Variants in SMARCC1 observed in about 807,000 individuals in gnomAD.
SMARCC1 encodes SWI/SNF complex subunit SMARCC1.
In SMARCC1, 43 loss-of-function variants were observed where a neutral mutation model predicts 147.4. The ratio of observed to expected loss-of-function variants is 0.29; its 90% CI spans 0.23 to 0.38. The LOEUF is 0.38. Among genes scored for constraint, SMARCC1 ranks in the 10% least tolerant of loss-of-function variants. SMARCC1 has a pLI of 1.00. For synonymous variants in SMARCC1, 495 were observed against 484.4 expected (o/e 1.02, Z -0.29); for missense variants, 1,119 against 1,381.1 (o/e 0.81, Z 3.01).
At chr3:47,700,308 GATAT>G (rs957236057) in intron 11 of SMARCC1, among the ~76,000 whole-genome samples, 1 of 152,016 alleles carries the variant, frequency 6.6e-6, no homozygotes, top group African/African-American at 2.4e-5. Context: ...TTCACCAACT[GATAT>G]ATATAGTCTC....
intron 16 of SMARCC1, 112 bp from the exon 17 acceptor site, chr3:47,676,894 G>T: frequency 1.1e-6 from 1 of 873,050 alleles, no homozygotes; most frequent in Non-Finnish European, 1.8e-6. Flanking sequence ...AATGTGCTCA[G>T]CAGGCTGTCA....
intron 21 of SMARCC1, among the ~76,000 whole-genome samples, chr3:47,646,986 T>C (rs937787209): frequency 1.3e-5 from 2 of 152,216 alleles, no homozygotes; most frequent in South Asian, 4.1e-4. Context: ...CTGTGTTTCT[T>C]CTGCATGAGC....
intron 21 of SMARCC1, among the ~76,000 whole-genome samples, chr3:47,650,207 C>A (rs374062590): frequency 9.3e-5 from 14 of 151,184 alleles, no homozygotes; most frequent in Non-Finnish European, 8.8e-5. Flanking sequence ...ACCCCAGAGG[C>A]GGAGCTTGCA....
intron 7 of SMARCC1, among the ~76,000 whole-genome samples, chr3:47,715,424 T>C (rs1267514275): frequency 6.6e-6 from 1 of 152,208 alleles, no homozygotes; most frequent in Non-Finnish European, 1.5e-5. Flanking sequence ...GAAACAGCCT[T>C]GATTCCATTC....
intron 21 of SMARCC1, among the ~76,000 whole-genome samples, chr3:47,646,201 C>G (rs977589546): frequency 2.0e-5 from 3 of 152,172 alleles, no homozygotes; most frequent in Non-Finnish European, 4.4e-5. Flanking sequence ...TCTCAAGATG[C>G]TATGTGGAAC....
chr3:47,671,196 A>AAAAAAAGAAAAAC (rs753672169), intron 18 of SMARCC1, among the ~76,000 whole-genome samples: 1 of 81,144 alleles, frequency 1.2e-5, no homozygotes, highest in East Asian at 4.8e-4. Flanking sequence ...AAAAAAAAAA[A>AAAAAAAGAAAAAC]AACACACACA....
intron 21 of SMARCC1, among the ~76,000 whole-genome samples, chr3:47,654,898 AC>A (rs897045511): frequency 6.6e-6 from 1 of 152,196 alleles, no homozygotes; most frequent in African/African-American, 2.4e-5. Flanking sequence ...ACACCATAAC[AC>A]TGGGGATCAA....
At chr3:47,603,842 T>C (rs559675162) in intron 26 of SMARCC1, 4 of 352,264 alleles carry the variant, frequency 1.1e-5, no homozygotes, top group African/African-American at 8.5e-5. Context: ...CTACTACAGA[T>C]ACTTCCCGTG....
At chr3:47,588,748 T>C (rs1026069460) in intron 27 of SMARCC1, among the ~76,000 whole-genome samples, 2 of 105,786 alleles carry the variant, frequency 1.9e-5, no homozygotes, top group African/African-American at 7.5e-5. Context: ...GGGCACAAAA[T>C]AGATTATCAA....
chr3:47,671,173 CAAAAAAAAA>C (rs775759680), intron 18 of SMARCC1, among the ~76,000 whole-genome samples: 416 of 29,252 alleles, frequency 0.014, 19 homozygotes, highest in African/African-American at 0.047. Flanking sequence ...GAGACTATCT[CAAAAAAAAA>C]AAAAAAAAAA....
chr3:47,696,168 C>T (rs1351337471), intron 11 of SMARCC1, among the ~76,000 whole-genome samples: 7 of 150,516 alleles, frequency 4.7e-5, no homozygotes, highest in South Asian at 2.1e-4. Context: ...ATCAGAAGTT[C>T]GGGACCAGCC....
rs1559619369 is a variant in SMARCC1 at position 47,587,089 on chromosome 3, C to T, written c.*1120G>A. 1 of 152,592 alleles carries T rather than the reference C, an allele frequency of 6.6e-6. No homozygotes were observed. The allele number at this position is 152,592 out of a possible 1,614,324, so 9.5% of individuals were successfully genotyped here. A position where few individuals can be genotyped will look rare whatever the true frequency, so the allele number is the denominator to read the frequency against. On this transcript the variant is annotated 3_prime_UTR_variant, in exon 28 of 28. Coordinates refer to ENST00000254480, the MANE Select transcript of SMARCC1 (RefSeq NM_003074.4). ...TATAAGGAGCTAATATCCTGCTTCA[C>T]TTTTCCCGTCCCATCCTAACCTTAA...
In SMARCC1 at chr3:47,607,424, A is replaced by G. The variant is rs2032492863; in HGVS notation, c.3043+2642T>C. Among the ~76,000 whole-genome samples, 3 of 152,250 alleles carry G rather than the reference A, an allele frequency of 2.0e-5. No individual in the cohort carries two copies. In the South Asian group the frequency reaches 6.2e-4, roughly 31 times the overall value. The stretch of plus-strand genomic sequence containing the variant: ...GTTGATAATACCGTGACTTGGACAG[A>G]GAATTTGCATCCCATCCCCAAAAGC... On this transcript the variant is annotated intron_variant, in intron 26 of 27. Transcript: ENST00000254480.
At chr3:47,619,627 C>CA (rs2032698301) in intron 25 of SMARCC1, among the ~76,000 whole-genome samples, 1 of 152,204 alleles carries the variant, frequency 6.6e-6, no homozygotes, top group Non-Finnish European at 1.5e-5. Context: ...CAGAGGGTGA[C>CA]AGAGATGAAA....
chr3:47,736,050 A>G lies in SMARCC1; in HGVS notation c.560T>C (p.Ile187Thr), dbSNP rs201508903. ...DLKLANKLKDIIKRHQGTFTD... is the reference protein window; with the variant it reads ...DLKLANKLKDTIKRHQGTFTD... ...GTCTATTACCTGATGTCGTTTGATG[A>G]TATCTTTCAATTTGTTAGCCAACTT... The change falls in exon 5 of 28, where the codon ATC becomes ACC. Residue 187 changes from isoleucine (I) to threonine (T), a missense_variant. Coordinates refer to ENST00000254480, the MANE Select transcript of SMARCC1 (RefSeq NM_003074.4). The G allele has an allele frequency of 6.6e-5, 103 of 1,571,548 alleles. 1 individual carries two copies. Among genetic ancestry groups the G allele is most frequent in the Admixed American group, 2.6e-4 (15 of 57,438 alleles).
At position 47,680,570 on chromosome 3, in the gene SMARCC1, C is replaced by T. The variant is rs528059354; in HGVS notation, c.1386-62G>A. 4.9e-4 allele frequency: 270 copies of T among 546,768 alleles called. 2 individuals are homozygous for T. In the East Asian group the frequency reaches 0.01, roughly 21 times the overall value. The allele number at this position is 546,768 out of a possible 1,614,324, so 33.9% of individuals were successfully genotyped here. A position where few individuals can be genotyped will look rare whatever the true frequency, so the allele number is the denominator to read the frequency against. Reference sequence around the variant, plus strand: ...TTTTTTTTTTTTTTTTTTTTTGAGACGGAGTCTCGCTCTGTCGCCCAGGCT... The same window carrying T: ...TTTTTTTTTTTTTTTTTTTTTGAGATGGAGTCTCGCTCTGTCGCCCAGGCT... On this transcript the variant is annotated intron_variant, in intron 14 of 27. Coordinates refer to ENST00000254480, the MANE Select transcript of SMARCC1 (RefSeq NM_003074.4).
intron 25 of SMARCC1, among the ~76,000 whole-genome samples, chr3:47,620,527 TC>T (rs1425441318): frequency 1.3e-5 from 2 of 152,204 alleles, no homozygotes; most frequent in Non-Finnish European, 2.9e-5. Flanking sequence ...AATCTCTTTT[TC>T]TCCAGAACTT....
At chr3:47,721,337 T>C (rs2034230509) in intron 6 of SMARCC1, among the ~76,000 whole-genome samples, 1 of 152,196 alleles carries the variant, frequency 6.6e-6, no homozygotes, top group Non-Finnish European at 1.5e-5. Flanking sequence ...TGTGATTACA[T>C]ATTGTAGACT....
At chr3:47,627,739 T>C (rs1451800321) in intron 24 of SMARCC1, among the ~76,000 whole-genome samples, 2 of 152,158 alleles carry the variant, frequency 1.3e-5, no homozygotes, top group South Asian at 4.1e-4. Context: ...AGATGTTTTT[T>C]TGAGACAGGA....
Sources: allele counts gnomAD v4.1 joint callset (sites outside exome capture counted in the v4.1 genomes callset), GRCh38; gene constraint gnomAD v4.1.1; transcripts MANE v1.5; gene names NCBI Gene and HGNC (gene_info 2026-07-23, HGNC 2026-07-21).